SRSF4: variants seen among roughly 807,000 people sequenced by gnomAD.
The protein encoded by SRSF4 is serine and arginine rich splicing factor 4.
Under a neutral mutation model 48.8 loss-of-function variants are expected in SRSF4, and 12 were observed. That is an observed-to-expected ratio of 0.25 (90% CI 0.16 to 0.40). SRSF4 has a LOEUF of 0.40. Ranked by LOEUF, SRSF4 falls within the 10% of genes least tolerant of loss-of-function variation. The pLI is 1.00. For synonymous variants in SRSF4, 248 were observed against 232.5 expected (o/e 1.07, Z -0.61); for missense variants, 466 against 667.1 (o/e 0.70, Z 3.32).
At chr1:29,155,302 C>T (rs968850839) in intron 3 of SRSF4, among the ~76,000 whole-genome samples, 4 of 152,022 alleles carry the variant, frequency 2.6e-5, no homozygotes, top group Non-Finnish European at 4.4e-5. Context: ...TAGTGGCACA[C>T]GCCTGTGGTC....
Position 29,148,401 on chromosome 1 carries a change from C to A in SRSF4, c.*9G>T. 6.3e-7 allele frequency: 1 copy of A among 1,579,100 alleles called. No homozygotes were observed. The highest frequency in any genetic ancestry group is 1.2e-5 in the South Asian group (1 of 84,824). ...CTTCTCGGGTAGTTCCAGCTGTGGC[C>A]ATAGCCAGTTAGGACCTTGAGTGGG... is the stretch of plus-strand genomic sequence containing the variant. On this transcript the variant is annotated 3_prime_UTR_variant, in exon 6 of 6. Coordinates refer to ENST00000373795, the MANE Select transcript of SRSF4 (RefSeq NM_005626.5).
rs748072495 is a variant in SRSF4 at position 29,149,128 on chromosome 1, C to T, written c.767G>A (p.Arg256His). 8 of 1,607,966 alleles carry T rather than the reference C, an allele frequency of 5.0e-6. No individual in the cohort carries two copies. Among genetic ancestry groups the T allele is most frequent in the African/African-American group, 4.0e-5 (3 of 74,774 alleles). Residue 256 changes from arginine (R) to histidine (H), a missense_variant, in exon 6 of 6, where the codon CGC becomes CAC. By Grantham distance (29) the Arg-to-His change is conservative. Transcript: ENST00000373795. ...KSRSPSKEKS[R>H]SRSHSAGKSR... ...CTTGCCAGCGCTATGGCTGCGGCTG[C>T]GGCTCTTTTCCTTGCTGGGGCTCCT...
chr1:29,173,646 A>C (rs1458554488), intron 1 of SRSF4, among the ~76,000 whole-genome samples: 1 of 142,762 alleles, frequency 7.0e-6, no homozygotes, highest in Non-Finnish European at 1.5e-5. Context: ...ACGGGGTTTC[A>C]CCATGCTGGC....
At chr1:29,160,825 A>C (rs2151816165) in intron 1 of SRSF4, among the ~76,000 whole-genome samples, 1 of 152,344 alleles carries the variant, frequency 6.6e-6, no homozygotes, top group South Asian at 2.1e-4. Context: ...TGGTATAAGA[A>C]TCCAAAATAT....
In SRSF4 at chr1:29,148,085, T is replaced by C. The variant is rs758553606; in HGVS notation, c.*325A>G. On this transcript the variant is annotated 3_prime_UTR_variant, in exon 6 of 6. Transcript: ENST00000373795. ...GTTGAACTCACCATACCTACCTATG[T>C]GGTCATTCCAGCCTTAGAGCCGTCC... 1.0e-4 allele frequency: 54 copies of C among 519,906 alleles called. No individual in the cohort carries two copies. The highest frequency in any genetic ancestry group is 8.0e-4 in the South Asian group (52 of 65,088). 32.2% of individuals were successfully genotyped at this position (519,906 alleles called of 1,614,324 possible). A position where few individuals can be genotyped will look rare whatever the true frequency, so the allele number is the denominator to read the frequency against.
At position 29,148,393 on chromosome 1, in the gene SRSF4, G is replaced by C; in HGVS notation, c.*17C>G. The C allele has an allele frequency of 6.4e-7, 1 of 1,572,184 alleles. No homozygotes were observed. Among genetic ancestry groups the C allele is most frequent in the Non-Finnish European group, 8.6e-7 (1 of 1,159,026 alleles). On this transcript the variant is annotated 3_prime_UTR_variant, in exon 6 of 6. Transcript: ENST00000373795. ...ACAAAAGACTTCTCGGGTAGTTCCA[G>C]CTGTGGCCATAGCCAGTTAGGACCT...
intron 1 of SRSF4, among the ~76,000 whole-genome samples, chr1:29,175,577 C>T (rs1443664081): frequency 6.7e-6 from 1 of 148,960 alleles, no homozygotes; most frequent in Non-Finnish European, 1.5e-5. Context: ...CTCCTGTAGT[C>T]CCAGCTACTT....
Position 29,159,325 on chromosome 1 carries a change from A to G in SRSF4, c.363+49T>C, listed in dbSNP as rs759416146. 12 of 1,374,886 alleles carry G rather than the reference A, an allele frequency of 8.7e-6. No homozygotes were observed. The South Asian group carries it at 1.4e-4, about 16-fold the overall frequency. 85.2% of individuals were successfully genotyped at this position (1,374,886 alleles called of 1,614,324 possible). ...CCTGCACAAATCTACCTGTTTCCCA[A>G]CTTTAACTCCTGCCCAACCTTACCC... On this transcript the variant is annotated intron_variant, in intron 3 of 5. Transcript: ENST00000373795.
intron 3 of SRSF4, among the ~76,000 whole-genome samples, chr1:29,156,306 T>C (rs955434611): frequency 4.6e-5 from 7 of 151,502 alleles, no homozygotes; most frequent in African/African-American, 1.2e-4. Context: ...GTGAGCGAGA[T>C]TGTGCCACTG....
Position 29,148,870 on chromosome 1 carries a change from C to G in SRSF4, c.1025G>C (p.Ser342Thr). 6.2e-7 allele frequency: 1 copy of G among 1,604,406 alleles called. No individual in the cohort carries two copies. Among genetic ancestry groups the G allele is most frequent in the Non-Finnish European group, 8.5e-7 (1 of 1,172,486 alleles). The change falls in exon 6 of 6, where the codon AGC becomes ACC. Residue 342 changes from serine to threonine, a missense_variant. By Grantham distance (58) the Ser-to-Thr change is moderately conservative. This residue lies in a region of SRSF4 where 402 missense variants were observed against 437.0 expected (regional missense o/e 0.92). Coordinates refer to ENST00000373795, the MANE Select transcript of SRSF4 (RefSeq NM_005626.5). Reference sequence around the variant, plus strand: ...GCTCTTGCTGCGGCTCCTGCTCCGGCTCCTGCTGCCCCCTTTGCTCCTGCT... The same window carrying G: ...GCTCTTGCTGCGGCTCCTGCTCCGGGTCCTGCTGCCCCCTTTGCTCCTGCT... ...SRSRSKGGSR[S>T]RSRSRSKSKD...
In SRSF4 at chr1:29,148,503, T is replaced by G. The variant is rs1271733055; in HGVS notation, c.1392A>C (p.Ser464=). 6.2e-7 allele frequency: 1 copy of G among 1,614,012 alleles called. No homozygotes were observed. Among genetic ancestry groups the G allele is most frequent in the East Asian group, 2.2e-5 (1 of 44,880 alleles). ...LPSESRSRSK[S]ASKTRSRSKS... is the part of the protein sequence containing the mutation. Reference sequence around the variant, plus strand: ...TGGACCGAGATCGGGTTTTTGAAGCTGACTTTGATCTGGAGCGTGATTCTG... The same window carrying G: ...TGGACCGAGATCGGGTTTTTGAAGCGGACTTTGATCTGGAGCGTGATTCTG... The change falls in exon 6 of 6, where the codon TCA becomes TCC. Residue 464 remains serine (S), a synonymous_variant. Coordinates refer to ENST00000373795, the MANE Select transcript of SRSF4 (RefSeq NM_005626.5).
At chr1:29,173,189 G>C (rs1672772812) in intron 1 of SRSF4, 1 of 128,468 alleles carries the variant, frequency 7.8e-6, no homozygotes, top group African/African-American at 2.9e-5. Flanking sequence ...CCAGGCTGGA[G>C]TGCAGTGGTG....
chr1:29,149,081 G>C lies in SRSF4; in HGVS notation c.814C>G (p.Gln272Glu). 6.2e-7 allele frequency: 1 copy of C among 1,610,830 alleles called. No individual in the cohort carries two copies. Among genetic ancestry groups the C allele is most frequent in the Non-Finnish European group, 8.5e-7 (1 of 1,179,322 alleles). The change falls in exon 6 of 6, where the codon CAA becomes GAA. Residue 272 changes from glutamine (Q) to glutamate (E), a missense_variant. Around this residue, in one of 2 missense-constraint regions of SRSF4, gnomAD observed 402 missense variants for 437.0 expected, o/e 0.92. Coordinates refer to ENST00000373795, the MANE Select transcript of SRSF4 (RefSeq NM_005626.5). ...TTGTTTTGGATCTTCTCTTCAGCTTGGTCTTTGCTCTTGCTGCGGCTCTTG... is the reference window on the plus strand; with the variant it reads ...TTGTTTTGGATCTTCTCTTCAGCTTCGTCTTTGCTCTTGCTGCGGCTCTTG... ...AGKSRSKSKD[Q>E]AEEKIQNNDN...
At chr1:29,151,309 G>A (rs1192560980) in intron 4 of SRSF4, among the ~76,000 whole-genome samples, 1 of 152,174 alleles carries the variant, frequency 6.6e-6, no homozygotes, top group East Asian at 1.9e-4. Flanking sequence ...AGAAGAAACA[G>A]ATAAATACAG....
intron 4 of SRSF4, 88 bp from the exon 5 acceptor site, chr1:29,150,280 T>C: frequency 3.0e-6 from 2 of 666,958 alleles, no homozygotes; most frequent in East Asian, 8.6e-5. Flanking sequence ...ATATATATAT[T>C]TTAGATGGAG....
intron 1 of SRSF4, among the ~76,000 whole-genome samples, chr1:29,176,346 T>C (rs1033216974): frequency 6.6e-5 from 10 of 152,178 alleles, no homozygotes; most frequent in African/African-American, 2.2e-4. Flanking sequence ...ACTCATTAGT[T>C]ATAGCATTAT....
chr1:29,150,028 A>G lies in SRSF4; in HGVS notation c.668+75T>C, dbSNP rs975349076. Reference sequence around the variant, plus strand: ...GGGTGACAGAGTGTCTCTTTGAAAAAAAAAAGAAAAAAAAGTGAGACAGGG... The same window carrying G: ...GGGTGACAGAGTGTCTCTTTGAAAAGAAAAAGAAAAAAAAGTGAGACAGGG... On this transcript the variant is annotated intron_variant, in intron 5 of 5. Coordinates refer to ENST00000373795, the MANE Select transcript of SRSF4 (RefSeq NM_005626.5). 90 of 1,333,078 alleles carry G rather than the reference A, an allele frequency of 6.8e-5. No individual in the cohort carries two copies. In the Admixed American group the frequency reaches 1.5e-3, roughly 23 times the overall value. The allele number at this position is 1,333,078 out of a possible 1,614,324, so 82.6% of individuals were successfully genotyped here.
At chr1:29,169,999 A>G (rs1328228837) in intron 1 of SRSF4, 1 of 152,240 alleles carries the variant, frequency 6.6e-6, no homozygotes, top group Non-Finnish European at 1.5e-5. Context: ...TCACTTTTAC[A>G]CTGCAAATAG....
At chr1:29,162,249 A>G (rs767237508) in intron 1 of SRSF4, among the ~76,000 whole-genome samples, 129 of 152,212 alleles carry the variant, frequency 8.5e-4, no homozygotes, top group Non-Finnish European at 1.3e-3. Context: ...GAGCAGCTTA[A>G]TAAGAAGGAT....
Sources: allele counts gnomAD v4.1 joint callset (sites outside exome capture counted in the v4.1 genomes callset), GRCh38; gene constraint gnomAD v4.1.1; regional missense constraint gnomAD v4.1.1; transcripts MANE v1.5; gene names NCBI Gene and HGNC (gene_info 2026-07-23, HGNC 2026-07-21).